The following NEMF variants were observed in gnomAD, a reference collection of about 807,000 sequenced individuals.
NEMF encodes the protein ribosome quality control complex subunit NEMF.
Under a neutral mutation model 162.2 loss-of-function variants are expected in NEMF, and 89 were observed. The ratio of observed to expected loss-of-function variants is 0.55; its 90% CI spans 0.46 to 0.65. The LOEUF (loss-of-function observed/expected upper bound fraction) is 0.65, where lower values mean the gene tolerates loss of function less well. Ranked by LOEUF, NEMF falls within the 30% of genes least tolerant of loss-of-function variation. The probability of loss-of-function intolerance (pLI) is 0.00; values close to 1 mark genes in which losing one functional copy is unlikely to be tolerated. For synonymous variants in NEMF, 421 were observed against 404.5 expected, an observed-to-expected ratio of 1.04 and a Z score of -0.49; for missense variants, 1,133 against 1,261.9, an observed-to-expected ratio of 0.90 and a Z score of 1.55.
chr14:49,800,467 T>C lies in NEMF; in HGVS notation c.2325A>G (p.Leu775=). The C allele has an allele frequency of 1.2e-6, 2 of 1,613,870 alleles. No individual in the cohort carries two copies. Among genetic ancestry groups the C allele is most frequent in the Non-Finnish European group, 1.7e-6 (2 of 1,179,796 alleles). The change falls in exon 23 of 33, where the codon TTA becomes TTG. Residue 775 remains leucine (L), a synonymous_variant. Transcript: ENST00000298310. ...GEMKDEGEET[L]NYPDTTIDLS... is the part of the protein sequence containing the mutation. ...AGTCAATGGTAGTATCAGGATAATTTAATGTCTCTTCCCCTTCATCCTTCA... is the reference window on the plus strand; with the variant it reads ...AGTCAATGGTAGTATCAGGATAATTCAATGTCTCTTCCCCTTCATCCTTCA...
intron 18 of NEMF, among the ~76,000 whole-genome samples, chr14:49,810,973 G>A (rs1371931388): frequency 1.3e-5 from 2 of 152,152 alleles, no homozygotes; most frequent in Admixed American, 6.5e-5. Flanking sequence ...TGGGTGACAG[G>A]AGACCCTGTT....
At chr14:49,804,949 G>T (rs939320729) in intron 19 of NEMF, among the ~76,000 whole-genome samples, 1 of 152,112 alleles carries the variant, frequency 6.6e-6, no homozygotes, top group African/African-American at 2.4e-5. Context: ...AGAATCGCTT[G>T]AACCCAGGAG....
chr14:49,834,360 T>A lies in NEMF; in HGVS notation c.661+3A>T. The A allele has an allele frequency of 6.3e-7, 1 of 1,576,252 alleles. No homozygotes were observed. The highest frequency in any genetic ancestry group is 8.7e-7 in the Non-Finnish European group (1 of 1,146,252). ...AAATGAAAAATGTACCATGCAGACATACCTTTAGTTTCAAGTTTTTCATCC... is the reference window on the plus strand; with the variant it reads ...AAATGAAAAATGTACCATGCAGACAAACCTTTAGTTTCAAGTTTTTCATCC... On this transcript the variant is annotated splice_donor_region_variant and intron_variant, in intron 7 of 32. Coordinates refer to ENST00000298310, the MANE Select transcript of NEMF (RefSeq NM_004713.6).
intron 29 of NEMF, 153 bp from the exon 30 acceptor site, chr14:49,785,473 T>C: frequency 4.9e-6 from 3 of 616,798 alleles, no homozygotes; most frequent in Non-Finnish European, 8.7e-6. Flanking sequence ...CTCTGCTTCA[T>C]AGTTCCAAAG....
At chr14:49,826,540 C>CAAA (rs5808517) in intron 15 of NEMF, among the ~76,000 whole-genome samples, 2 of 73,554 alleles carry the variant, frequency 2.7e-5, no homozygotes, top group Non-Finnish European at 5.3e-5. Context: ...GCATTACAAG[C>CAAA]AAAAAAAAAA....
At chr14:49,785,640 G>T in intron 29 of NEMF, 1 of 263,330 alleles carries the variant, frequency 3.8e-6, no homozygotes, top group Non-Finnish European at 7.5e-6. Context: ...CTAGGACTCT[G>T]GAAGGCTCAG....
chr14:49,838,585 GTTTTT>G (rs200414717), intron 5 of NEMF, among the ~76,000 whole-genome samples: 1 of 129,834 alleles, frequency 7.7e-6, no homozygotes, highest in Middle Eastern at 3.5e-3. Context: ...TTTTTGTTTG[GTTTTT>G]TTTTTTTTTT....
intron 6 of NEMF, among the ~76,000 whole-genome samples, chr14:49,834,830 A>T (rs1022203467): frequency 1.3e-5 from 2 of 152,206 alleles, no homozygotes; most frequent in African/African-American, 4.8e-5. Flanking sequence ...TCCCAATATC[A>T]ATGATCTACT....
At chr14:49,851,715 A>AT (rs1893785929) in intron 2 of NEMF, 50 bp from the exon 3 acceptor site, 2 of 1,513,710 alleles carry the variant, frequency 1.3e-6, no homozygotes, top group Admixed American at 3.4e-5. Context: ...GCCAAAGCTA[A>AT]TTGCTAAACA....
chr14:49,800,785 T>C (rs1269196253), intron 22 of NEMF, 89 bp from the exon 23 acceptor site: 2 of 1,246,840 alleles, frequency 1.6e-6, no homozygotes, highest in Non-Finnish European at 2.2e-6. Context: ...TTCCACTGTT[T>C]CTCCCATATT....
Position 49,782,727 on chromosome 14 carries a change from A to ATCTT in NEMF, c.*1905_*1908dup, listed in dbSNP as rs2139806534. ...ATTGCTATAACCAGTTCCTATGAAA[A>ATCTT]TCTTTGAAGAAAGAAAGAGGGATGT... On this transcript the variant is annotated 3_prime_UTR_variant, in exon 33 of 33. Coordinates refer to ENST00000298310, the MANE Select transcript of NEMF (RefSeq NM_004713.6). The ATCTT allele has an allele frequency of 1.0e-5, 15 of 1,438,152 alleles. 1 individual carries two copies. The South Asian group carries it at 1.6e-4, about 15-fold the overall frequency. 89.1% of individuals were successfully genotyped at this position (1,438,152 alleles called of 1,614,324 possible). A position where few individuals can be genotyped will look rare whatever the true frequency, so the allele number is the denominator to read the frequency against.
chr14:49,785,274 A>G lies in NEMF; in HGVS notation c.2975T>C (p.Val992Ala). 6.2e-7 allele frequency: 1 copy of G among 1,614,048 alleles called. No individual in the cohort carries two copies. Among genetic ancestry groups the G allele is most frequent in the Non-Finnish European group, 8.5e-7 (1 of 1,179,922 alleles). The change falls in exon 30 of 33, where the codon GTA (valine) becomes GCA (alanine). Residue 992 changes from valine (V) to alanine (A), a missense_variant. Physicochemically the swap from Val to Ala is moderately conservative, Grantham distance 64. Coordinates refer to ENST00000298310, the MANE Select transcript of NEMF (RefSeq NM_004713.6). ...ACATATTGGAATGGCAAACAGTAGT[A>G]CATCTTCAGGATGTGGCTGGCCTGT... is the stretch of plus-strand genomic sequence containing the variant. ...SLTGQPHPED[V>A]LLFAIPICAP... is the part of the protein sequence containing the mutation.
intron 1 of NEMF, 110 bp downstream of exon 1, chr14:49,852,585 G>T: frequency 1.7e-6 from 2 of 1,207,008 alleles, no homozygotes; most frequent in South Asian, 1.3e-5. Flanking sequence ...CAGGTCCATA[G>T]ACGCACTAGG....
At chr14:49,847,603 TA>T (rs1594812350) in intron 3 of NEMF, among the ~76,000 whole-genome samples, 1 of 152,150 alleles carries the variant, frequency 6.6e-6, no homozygotes, top group African/African-American at 2.4e-5. Context: ...TTGTTTCCAC[TA>T]ATCTTCTACT....
At position 49,820,141 on chromosome 14, in the gene NEMF, G is replaced by C. The variant is rs148019219; in HGVS notation, c.1578-5284C>G. On this transcript the variant is annotated intron_variant, in intron 16 of 32. Coordinates refer to ENST00000298310, the MANE Select transcript of NEMF (RefSeq NM_004713.6). ...TAATTTTTGTATTTTTAGTAGAAACGGGGGTTCACCTTATTGGCCAGGCTG... is the reference window on the plus strand; with the variant it reads ...TAATTTTTGTATTTTTAGTAGAAACCGGGGTTCACCTTATTGGCCAGGCTG... 320 of 226,242 alleles carry C rather than the reference G, an allele frequency of 1.4e-3. 10 individuals carry two copies. In the East Asian group the frequency reaches 0.039, roughly 28 times the overall value. The allele number at this position is 226,242 out of a possible 1,614,324, so 14.0% of individuals were successfully genotyped here.
intron 1 of NEMF, among the ~76,000 whole-genome samples, chr14:49,852,172 AG>A (rs1268403564): frequency 1.1e-4 from 1 of 9,242 alleles, no homozygotes; most frequent in Non-Finnish European, 4.4e-3. Flanking sequence ...ATTACAAGGG[AG>A]AAAAAAAAAA....
chr14:49,828,746 T>G lies in NEMF; in HGVS notation c.1294A>C (p.Lys432Gln), dbSNP rs1399089913. Residue 432 changes from lysine to glutamine, a missense_variant, in exon 14 of 33, where the codon AAA becomes CAA. This residue lies in a region of NEMF where 582 missense variants were observed against 631.5 expected (regional missense o/e 0.92). Coordinates refer to ENST00000298310, the MANE Select transcript of NEMF (RefSeq NM_004713.6). ...CCTTTTGGTGGTTCAGTTTCATTTTTCTCAACATTGACGTCACCATCAACA... is the reference window on the plus strand; with the variant it reads ...CCTTTTGGTGGTTCAGTTTCATTTTGCTCAACATTGACGTCACCATCAACA... ...DDVDGDVNVEKNETEPPKGKK... is the reference protein window; with the variant it reads ...DDVDGDVNVEQNETEPPKGKK... The G allele has an allele frequency of 1.3e-6, 2 of 1,587,596 alleles. No individual in the cohort carries two copies. Among genetic ancestry groups the G allele is most frequent in the South Asian group, 1.1e-5 (1 of 88,456 alleles).
Position 49,831,374 on chromosome 14 carries a change from A to G in NEMF, c.883-13T>C. 1 of 1,547,374 alleles carries G rather than the reference A, an allele frequency of 6.5e-7. No homozygotes were observed. Among genetic ancestry groups the G allele is most frequent in the South Asian group, 1.1e-5 (1 of 88,678 alleles). ...ATTCATCCACCGCCTTATTAAAAAAACAAACAACTAGTTGGAAAAAAAAGC... is the reference window on the plus strand; with the variant it reads ...ATTCATCCACCGCCTTATTAAAAAAGCAAACAACTAGTTGGAAAAAAAAGC... On this transcript the variant is annotated splice_polypyrimidine_tract_variant and intron_variant, in intron 10 of 32. Transcript: ENST00000298310.
chr14:49,798,862 A>C (rs543702705), intron 25 of NEMF, among the ~76,000 whole-genome samples: 1 of 151,968 alleles, frequency 6.6e-6, no homozygotes, highest in Non-Finnish European at 1.5e-5. Context: ...AGCCGAGATC[A>C]TGCCACTGCA....
Sources: gnomAD v4.1 joint callset for allele counts (sites outside exome capture counted in the v4.1 genomes callset) on GRCh38, gnomAD v4.1.1 for gene constraint, gnomAD v4.1.1 regional missense constraint, MANE v1.5 for transcripts, NCBI Gene and HGNC (gene_info 2026-07-23, HGNC 2026-07-21) for gene names.